The following PARD3B variants were observed in gnomAD, a reference collection of about 807,000 sequenced individuals.
The protein encoded by PARD3B is partitioning defective 3 homolog B.
In PARD3B, 103 loss-of-function variants were observed where a neutral mutation model predicts 130.2. That is an observed-to-expected ratio of 0.79 (90% CI 0.67 to 0.93). The LOEUF (loss-of-function observed/expected upper bound fraction) is 0.93, where lower values mean the gene tolerates loss of function less well. Among genes scored for constraint, PARD3B ranks in the 40% least tolerant of loss-of-function variants. PARD3B has a pLI of 0.00. For synonymous variants in PARD3B, 583 were observed against 553.2 expected, an observed-to-expected ratio of 1.05 and a Z score of -0.76; for missense variants, 1,609 against 1,499.2, an observed-to-expected ratio of 1.07 and a Z score of -1.21.
intron 16 of PARD3B, among the ~76,000 whole-genome samples, chr2:205,252,084 G>A (rs987624018): frequency 2.0e-5 from 3 of 152,088 alleles, no homozygotes; most frequent in Admixed American, 1.3e-4. Context: ...GAATAATGTG[G>A]TCTGTAAAAT....
intron 20 of PARD3B, among the ~76,000 whole-genome samples, chr2:205,480,120 T>C (rs1368277280): frequency 2.0e-5 from 3 of 152,020 alleles, no homozygotes; most frequent in Non-Finnish European, 4.4e-5. Flanking sequence ...GACCAGGTTT[T>C]TCATGAACTC....
chr2:205,556,496 C>T (rs565965683), intron 22 of PARD3B, among the ~76,000 whole-genome samples: 3 of 152,142 alleles, frequency 2.0e-5, no homozygotes, highest in African/African-American at 4.8e-5. Flanking sequence ...AAAGCCAGAG[C>T]GCTGGCCAGC....
rs1179341997 is a variant in PARD3B, at chr2:204,906,873, C to T, written c.223-58279C>T. The stretch of plus-strand genomic sequence containing the variant: ...ATGGTGATATCTTGGAGAATGTATG[C>T]TATTTGCAGATAATGAAGATTGCTG... On this transcript the variant is annotated intron_variant, in intron 2 of 22. Coordinates refer to ENST00000406610, the MANE Select transcript of PARD3B (RefSeq NM_001302769.2). The surrounding 1 kb of genome is among the most constrained non-coding windows in gnomAD (Gnocchi z 4.3). Among the ~76,000 whole-genome samples, 5 of 152,046 alleles carry T rather than the reference C, an allele frequency of 3.3e-5. No individual in the cohort carries two copies. The East Asian group carries it at 9.6e-4, about 29-fold the overall frequency.
At chr2:205,186,064 G>T (rs561411945) in intron 14 of PARD3B, among the ~76,000 whole-genome samples, 67 of 152,146 alleles carry the variant, frequency 4.4e-4, no homozygotes, top group Non-Finnish European at 7.4e-4. Flanking sequence ...TTTGCTTCCT[G>T]GTATTTGTTA....
intron 4 of PARD3B, among the ~76,000 whole-genome samples, chr2:205,074,193 A>G (rs1700903005): frequency 6.6e-6 from 1 of 152,208 alleles, no homozygotes; most frequent in African/African-American, 2.4e-5. Context: ...TTCATATAGC[A>G]CTTTCTGAAA....
At chr2:205,503,273 G>A (rs981905929) in intron 21 of PARD3B, among the ~76,000 whole-genome samples, 3 of 152,160 alleles carry the variant, frequency 2.0e-5, no homozygotes, top group Non-Finnish European at 4.4e-5. Flanking sequence ...AGAGGTATTA[G>A]CTTCTATATG....
At chr2:205,250,895 C>T (rs985928790) in intron 16 of PARD3B, among the ~76,000 whole-genome samples, 15 of 152,068 alleles carry the variant, frequency 9.9e-5, no homozygotes, top group African/African-American at 3.6e-4. Flanking sequence ...CACCACTGTG[C>T]CCCAGCCTGG....
In PARD3B at chr2:205,550,172, T is replaced by C. The variant is rs941477607; in HGVS notation, c.3181-3152T>C. Among the ~76,000 whole-genome samples, 1 of 152,120 alleles carries C rather than the reference T, an allele frequency of 6.6e-6. No homozygotes were observed. The highest frequency in any genetic ancestry group is 2.4e-5 in the African/African-American group (1 of 41,428). On this transcript the variant is annotated intron_variant, in intron 21 of 22. Coordinates refer to ENST00000406610, the MANE Select transcript of PARD3B (RefSeq NM_001302769.2). This position sits in a 1 kb window ranked among gnomAD's most constrained non-coding sequence, Gnocchi z 4.5. ...TTATCCTACTACTCCTACACCCTTC[T>C]GCCCCAGAAAAACTCCTCCTCATCC...
chr2:204,618,982 CTG>C (rs2034205409), intron 1 of PARD3B, among the ~76,000 whole-genome samples: 1 of 152,108 alleles, frequency 6.6e-6, no homozygotes. Context: ...CTTCTTCCAT[CTG>C]TCTTTACATT....
At chr2:204,800,835 A>G (rs2042541491) in intron 2 of PARD3B, among the ~76,000 whole-genome samples, 1 of 152,166 alleles carries the variant, frequency 6.6e-6, no homozygotes, top group African/African-American at 2.4e-5. Flanking sequence ...TAGGATTTTT[A>G]TGGTTTTAGG....
chr2:205,326,024 G>A (rs2042928496), intron 18 of PARD3B, among the ~76,000 whole-genome samples: 1 of 152,118 alleles, frequency 6.6e-6, no homozygotes, highest in African/African-American at 2.4e-5. Flanking sequence ...TGCCTAATTT[G>A]TTAATTTGCA....
At chr2:204,847,505 C>G (rs954131096) in intron 2 of PARD3B, among the ~76,000 whole-genome samples, 8 of 152,134 alleles carry the variant, frequency 5.3e-5, no homozygotes, top group African/African-American at 1.9e-4. Context: ...AAAATATGAA[C>G]TGAAAAATTC....
At chr2:205,063,418 G>A (rs191815806) in intron 4 of PARD3B, among the ~76,000 whole-genome samples, 450 of 152,134 alleles carry the variant, frequency 3.0e-3, no homozygotes, top group Non-Finnish European at 5.5e-3. Flanking sequence ...TAATGAACTA[G>A]AAATTAGTCT....
intron 22 of PARD3B, among the ~76,000 whole-genome samples, chr2:205,595,363 A>G (rs1299885670): frequency 6.6e-6 from 1 of 152,240 alleles, no homozygotes; most frequent in Non-Finnish European, 1.5e-5. Flanking sequence ...ACCAGCTGGC[A>G]TGGGGCAAAC....
chr2:204,822,123 A>G (rs944318019), intron 2 of PARD3B, among the ~76,000 whole-genome samples: 1 of 152,240 alleles, frequency 6.6e-6, no homozygotes, highest in Non-Finnish European at 1.5e-5. Flanking sequence ...ATTCACAGCA[A>G]GAAGTCAAAA....
chr2:205,217,475 A>T (rs1372672301), intron 15 of PARD3B, among the ~76,000 whole-genome samples: 1 of 152,156 alleles, frequency 6.6e-6, no homozygotes, highest in African/African-American at 2.4e-5. Flanking sequence ...GGAACAGAGG[A>T]TAAGAAGTGA....
rs989269754 is a variant in PARD3B, at chr2:205,241,461, A to T, written c.2141-4317A>T. On this transcript the variant is annotated intron_variant, in intron 15 of 22. Coordinates refer to ENST00000406610, the MANE Select transcript of PARD3B (RefSeq NM_001302769.2). This position sits in a 1 kb window ranked among gnomAD's most constrained non-coding sequence, Gnocchi z 4.2. ...GCAGCTTCAGAAACCTGAGCATTTC[A>T]TTGGTATCTCTTCAATTATTGTAAT... Among the ~76,000 whole-genome samples, 1 of 152,234 alleles carries T rather than the reference A, an allele frequency of 6.6e-6. No individual in the cohort carries two copies. The highest frequency in any genetic ancestry group is 1.5e-5 in the Non-Finnish European group (1 of 68,028).
intron 22 of PARD3B, among the ~76,000 whole-genome samples, chr2:205,576,144 C>T (rs968607531): frequency 6.6e-6 from 1 of 151,994 alleles, no homozygotes. Context: ...AGTATCTTTT[C>T]ATATACTGAT....
At chr2:205,501,803 C>A (rs2050167905) in intron 21 of PARD3B, among the ~76,000 whole-genome samples, 1 of 152,162 alleles carries the variant, frequency 6.6e-6, no homozygotes, top group Non-Finnish European at 1.5e-5. Context: ...CCTCACCAAA[C>A]CTGAGCTAGA....
Sources: allele counts gnomAD v4.1 joint callset (sites outside exome capture counted in the v4.1 genomes callset), GRCh38; gene constraint gnomAD v4.1.1; non-coding constraint Gnocchi (gnomAD v3.1); transcripts MANE v1.5; gene names NCBI Gene and HGNC (gene_info 2026-07-23, HGNC 2026-07-21).